SLCO5A1: variants seen among roughly 807,000 people sequenced by gnomAD.
SLCO5A1 encodes organic anion transporter polypeptide-related protein 4.
In SLCO5A1, 39 loss-of-function variants were observed where a neutral mutation model predicts 65.1. That is an observed-to-expected ratio of 0.60 (90% CI 0.46 to 0.78). The LOEUF (loss-of-function observed/expected upper bound fraction) is 0.78. SLCO5A1 is among the 30% of genes least tolerant of loss of function. The pLI is 0.00. For missense variants in SLCO5A1, 1,029 were observed against 1,069.4 expected, an observed-to-expected ratio of 0.96 and a Z score of 0.53; for synonymous variants, 438 against 415.7, an observed-to-expected ratio of 1.05 and a Z score of -0.65.
chr8:69,695,556 C>CT (rs796460493), intron 6 of SLCO5A1, among the ~76,000 whole-genome samples: 153 of 146,110 alleles, frequency 1.0e-3, no homozygotes, highest in South Asian at 3.7e-3. Context: ...TGACTTCTCT[C>CT]TTTTTTTTTT....
At chr8:69,769,195 G>A (rs1305273722) in intron 2 of SLCO5A1, among the ~76,000 whole-genome samples, 1 of 152,196 alleles carries the variant, frequency 6.6e-6, no homozygotes, top group Non-Finnish European at 1.5e-5. Flanking sequence ...GACCCACACA[G>A]GCCACAGGAA....
chr8:69,769,664 C>CTTAGTAAGT (rs1368495121), intron 2 of SLCO5A1, among the ~76,000 whole-genome samples: 11 of 152,020 alleles, frequency 7.2e-5, no homozygotes, highest in Non-Finnish European at 1.2e-4. Flanking sequence ...TTTATGTTAT[C>CTTAGTAAGT]TTAGTAAGTT....
At chr8:69,818,878 G>A (rs1820515845) in intron 2 of SLCO5A1, among the ~76,000 whole-genome samples, 2 of 152,144 alleles carry the variant, frequency 1.3e-5, no homozygotes, top group Admixed American at 1.3e-4. Flanking sequence ...TTCCACTCAT[G>A]GCGCCACATC....
intron 4 of SLCO5A1, among the ~76,000 whole-genome samples, chr8:69,746,528 T>C (rs553118235): frequency 3.3e-5 from 5 of 152,278 alleles, no homozygotes; most frequent in East Asian, 3.9e-4. Context: ...GGGATTTTTA[T>C]TGATAAATTT....
chr8:69,669,087 A>T lies in SLCO5A1; in HGVS notation c.*3782T>A, dbSNP rs1357696113. 1 of 152,158 alleles carries T rather than the reference A, an allele frequency of 6.6e-6. No homozygotes were observed. 9.4% of individuals were successfully genotyped at this position (152,158 alleles called of 1,614,324 possible). Reference sequence around the variant, plus strand: ...GTTTCATTTCAGAAACTCTGCCGAGACCCGATGTTAACACGAAGACTAGAT... The same window carrying T: ...GTTTCATTTCAGAAACTCTGCCGAGTCCCGATGTTAACACGAAGACTAGAT... On this transcript the variant is annotated 3_prime_UTR_variant, in exon 10 of 10. Transcript: ENST00000260126.
chr8:69,784,847 G>GAA (rs1247682684), intron 2 of SLCO5A1, among the ~76,000 whole-genome samples: 2 of 129,682 alleles, frequency 1.5e-5, no homozygotes, highest in Admixed American at 8.5e-5. Flanking sequence ...AAGAAAGAAA[G>GAA]AAAGAAAGAA....
intron 5 of SLCO5A1, among the ~76,000 whole-genome samples, chr8:69,720,392 G>A (rs1323688984): frequency 1.2e-4 from 19 of 152,196 alleles, no homozygotes; most frequent in Admixed American, 1.2e-3. Flanking sequence ...GTCTTCACCA[G>A]GACCAAAGGT....
intron 2 of SLCO5A1, among the ~76,000 whole-genome samples, chr8:69,800,597 C>A (rs1307757785): frequency 6.6e-6 from 1 of 152,056 alleles, no homozygotes; most frequent in Non-Finnish European, 1.5e-5. Context: ...CCCTTTGATT[C>A]ATTGGGATTT....
chr8:69,823,640 C>G (rs1820746701), intron 2 of SLCO5A1, among the ~76,000 whole-genome samples: 1 of 152,096 alleles, frequency 6.6e-6, no homozygotes, highest in African/African-American at 2.4e-5. Context: ...TCCTGAGTGA[C>G]CTACAAAGAG....
Position 69,755,477 on chromosome 8 carries a change from CTGT to C in SLCO5A1, c.1202_1204del (p.Asn401del), listed in dbSNP as rs760982146. 7 of 1,614,088 alleles carry C rather than the reference CTGT, an allele frequency of 4.3e-6. No individual in the cohort carries two copies. In the African/African-American group the frequency reaches 6.7e-5, roughly 15 times the overall value. ...AGAAACTTTTTTGTCCGCTTGTTCACTGTTGTTTGATTTCTCCTTCAGAACATC... is the reference window on the plus strand; with the variant it reads ...AGAAACTTTTTTGTCCGCTTGTTCACTGTTTGATTTCTCCTTCAGAACATC... On this transcript the variant is annotated inframe_deletion, in exon 4 of 10. Coordinates refer to ENST00000260126, the MANE Select transcript of SLCO5A1 (RefSeq NM_030958.3).
Position 69,786,466 on chromosome 8 carries a change from A to C in SLCO5A1, c.908-24591T>G, listed in dbSNP as rs141479385. On this transcript the variant is annotated intron_variant, in intron 2 of 9. Transcript: ENST00000260126. ...AAAATAATTATATGCTGTCCCTAGC[A>C]GGCTTCAGTGCTTAAGCTACAACAA... is the stretch of plus-strand genomic sequence containing the variant. Among the ~76,000 whole-genome samples the C allele has an allele frequency of 2.9e-3, 448 of 152,352 alleles. 3 individuals are homozygous for C. The highest frequency in any genetic ancestry group is 0.01 in the African/African-American group (422 of 41,586).
chr8:69,825,461 C>A (rs897910783), intron 2 of SLCO5A1, among the ~76,000 whole-genome samples: 2 of 152,176 alleles, frequency 1.3e-5, no homozygotes, highest in African/African-American at 4.8e-5. Flanking sequence ...GTACAAAAAT[C>A]ACAAGCATTC....
chr8:69,762,604 T>C (rs1428993988), intron 2 of SLCO5A1, among the ~76,000 whole-genome samples: 1 of 152,056 alleles, frequency 6.6e-6, no homozygotes, highest in Non-Finnish European at 1.5e-5. Flanking sequence ...AAGATTTTTT[T>C]TATGTCTAAG....
At chr8:69,830,997 G>A (rs28736656) in intron 2 of SLCO5A1, among the ~76,000 whole-genome samples, 7 of 152,154 alleles carry the variant, frequency 4.6e-5, no homozygotes, top group African/African-American at 1.7e-4. Context: ...TGCAGGTGAC[G>A]TATAAGAAAA....
chr8:69,812,693 C>A (rs547979015), intron 2 of SLCO5A1, among the ~76,000 whole-genome samples: 3 of 152,186 alleles, frequency 2.0e-5, no homozygotes, highest in Admixed American at 6.6e-5. Flanking sequence ...CACTACCCAT[C>A]GCTCTTCATG....
chr8:69,769,218 G>T (rs941025556), intron 2 of SLCO5A1, among the ~76,000 whole-genome samples: 9 of 152,296 alleles, frequency 5.9e-5, no homozygotes, highest in South Asian at 4.1e-4. Context: ...TCTGTCCTAG[G>T]TGCTCACATC....
intron 4 of SLCO5A1, among the ~76,000 whole-genome samples, chr8:69,742,144 G>A (rs1040882821): frequency 6.6e-6 from 1 of 152,074 alleles, no homozygotes; most frequent in African/African-American, 2.4e-5. Context: ...TAACAATTGG[G>A]GAATCAGGAT....
rs1236156315 is a variant in SLCO5A1, at chr8:69,738,216, C to CA, written c.1259-13dup. 1.3e-6 allele frequency: 2 copies of CA among 1,572,134 alleles called. No homozygotes were observed. Among genetic ancestry groups the CA allele is most frequent in the African/African-American group, 1.4e-5 (1 of 73,374 alleles). ...TGCTCTTGGTAGGTCTACAAAATGA[C>CA]AAAAATGACAAATGAATGTTATAAA... On this transcript the variant is annotated splice_polypyrimidine_tract_variant and intron_variant, in intron 4 of 9. Transcript: ENST00000260126.
At position 69,832,357 on chromosome 8, in the gene SLCO5A1, G is replaced by T. The variant is rs375811111; in HGVS notation, c.317C>A (p.Ser106Ter). The T allele has an allele frequency of 1.9e-6, 3 of 1,614,036 alleles. No individual in the cohort carries two copies. In the Admixed American group the frequency reaches 5.0e-5, roughly 27 times the overall value. ...NHRVDLSKTF[S>*]VSSALAMLQE... Reference sequence around the variant, plus strand: ...GAGCATGGCCAAGGCGGAGGACACCGAGAAGGTTTTGCTGAGGTCCACCCT... The same window carrying T: ...GAGCATGGCCAAGGCGGAGGACACCTAGAAGGTTTTGCTGAGGTCCACCCT... The change falls in exon 2 of 10, where the codon TCG becomes TAG. Residue 106 changes from serine to a stop codon, truncating the protein, a stop_gained. Transcript: ENST00000260126. LOFTEE classifies it high-confidence loss of function. This position sits in a 1 kb window ranked among gnomAD's most constrained non-coding sequence, Gnocchi z 4.5.
Sources: gnomAD v4.1 joint callset for allele counts (sites outside exome capture counted in the v4.1 genomes callset) on GRCh38, gnomAD v4.1.1 for gene constraint, Gnocchi (gnomAD v3.1) non-coding constraint, MANE v1.5 for transcripts, NCBI Gene and HGNC (gene_info 2026-07-23, HGNC 2026-07-21) for gene names.